NCKAP5L: variants seen among roughly 807,000 people sequenced by gnomAD.
The protein encoded by NCKAP5L is NCK associated protein 5 like, also known as nck-associated protein 5-like.
NCKAP5L carries 54 observed loss-of-function variants against 103.2 expected under a neutral mutation model. That is an observed-to-expected ratio of 0.52 (90% confidence interval 0.42 to 0.66). The LOEUF is 0.66. Ranked by LOEUF, NCKAP5L falls within the 30% of genes least tolerant of loss-of-function variation. The probability of loss-of-function intolerance (pLI) is 0.00; values close to 1 mark genes in which losing one functional copy is unlikely to be tolerated. For missense variants in NCKAP5L, 1,733 were observed against 1,750.6 expected, an observed-to-expected ratio of 0.99 and a Z score of 0.18; for synonymous variants, 762 against 748.6, an observed-to-expected ratio of 1.02 and a Z score of -0.29.
At chr12:49,825,322 G>A (rs1307028572) in intron 1 of NCKAP5L, among the ~76,000 whole-genome samples, 5 of 152,178 alleles carry the variant, frequency 3.3e-5, no homozygotes, top group African/African-American at 7.2e-5. Context: ...TGCCAGGTTC[G>A]GGTGAGGGTT....
At chr12:49,815,372 A>G (rs1946285105) in intron 1 of NCKAP5L, among the ~76,000 whole-genome samples, 1 of 152,170 alleles carries the variant, frequency 6.6e-6, no homozygotes, top group African/African-American at 2.4e-5. Flanking sequence ...CCATTTAATC[A>G]TGTATTTATA....
intron 9 of NCKAP5L, 24 bp downstream of exon 9, chr12:49,793,710 C>T: frequency 1.3e-6 from 2 of 1,527,520 alleles, no homozygotes; most frequent in South Asian, 1.3e-5. Context: ...GGCCGTCCAC[C>T]CAGTCCCTAC....
rs1421078727 is a variant in NCKAP5L at position 49,796,561 on chromosome 12, C to T, written c.1299G>A (p.Lys433=). 2 of 1,599,934 alleles carry T rather than the reference C, an allele frequency of 1.3e-6. No homozygotes were observed. Among genetic ancestry groups the T allele is most frequent in the Non-Finnish European group, 1.7e-6 (2 of 1,173,866 alleles). The change falls in exon 8 of 13, where the codon AAG becomes AAA. Residue 433 remains lysine (K), a synonymous_variant. Transcript: ENST00000335999. The part of the protein sequence containing the change: ...HPHSSSQVKS[K]LQIGPPSPGE... ...CAGGAGAAGGGGGGCCAATTTGGAGCTTGCTTTTCACCTGAGATGAGGAAT... is the reference window on the plus strand; with the variant it reads ...CAGGAGAAGGGGGGCCAATTTGGAGTTTGCTTTTCACCTGAGATGAGGAAT...
At chr12:49,819,703 A>C (rs1318799235) in intron 1 of NCKAP5L, among the ~76,000 whole-genome samples, 1 of 152,250 alleles carries the variant, frequency 6.6e-6, no homozygotes, top group East Asian at 1.9e-4. Context: ...TCAAGGGAAG[A>C]AAAGAAAACA....
chr12:49,794,976 C>T lies in NCKAP5L; in HGVS notation c.2884G>A (p.Glu962Lys). ...REVKMEARKL[E>K]AESLNISKLM... is the part of the protein sequence containing the mutation. ...TTGGAGATGTTGAGGCTCTCGGCCT[C>T]CAGCTTCCGGGCTTCCATCTTGACT... is the stretch of plus-strand genomic sequence containing the variant. Residue 962 changes from glutamate to lysine, a missense_variant, in exon 8 of 13, where the codon GAG (glutamate) becomes AAG (lysine). Transcript: ENST00000335999. 1 of 1,590,162 alleles carries T rather than the reference C, an allele frequency of 6.3e-7. No individual in the cohort carries two copies. The highest frequency in any genetic ancestry group is 1.1e-5 in the South Asian group (1 of 88,284).
Position 49,795,844 on chromosome 12 carries a change from C to A in NCKAP5L, c.2016G>T (p.Lys672Asn), listed in dbSNP as rs1207926617. 11 of 1,566,532 alleles carry A rather than the reference C, an allele frequency of 7.0e-6. No homozygotes were observed. The highest frequency in any genetic ancestry group is 1.4e-5 in the African/African-American group (1 of 73,174). The change falls in exon 8 of 13, where the codon AAG becomes AAT. Residue 672 changes from lysine (K) to asparagine (N), a missense_variant. Transcript: ENST00000335999. ...RDRLAALGKLKTGPEGALGSE... is the reference protein window; with the variant it reads ...RDRLAALGKLNTGPEGALGSE... ...AGCCCAGGGCCCCCTCGGGGCCTGT[C>A]TTCAGCTTCCCCAGGGCCGCCAGTC...
At position 49,796,391 on chromosome 12, in the gene NCKAP5L, T is replaced by C; in HGVS notation, c.1469A>G (p.Asn490Ser). 2 of 1,580,366 alleles carry C rather than the reference T, an allele frequency of 1.3e-6. No individual in the cohort carries two copies. The highest frequency in any genetic ancestry group is 1.7e-6 in the Non-Finnish European group (2 of 1,163,182). The change falls in exon 8 of 13, where the codon AAC becomes AGC. Residue 490 changes from asparagine (N) to serine (S), a missense_variant. Coordinates refer to ENST00000335999, the MANE Select transcript of NCKAP5L (RefSeq NM_001037806.4). Reference protein sequence around the residue: ...LPRNSRIPCRNSGSDGSPSPL... With the variant: ...LPRNSRIPCRSSGSDGSPSPL... ...GGAGGGGCTGCCGTCTGAGCCACTG[T>C]TCCGACAGGGGATTCGCGAGTTCCG... is the stretch of plus-strand genomic sequence containing the variant.
chr12:49,827,131 G>C (rs939729909), intron 1 of NCKAP5L, among the ~76,000 whole-genome samples: 1 of 152,120 alleles, frequency 6.6e-6, no homozygotes, highest in African/African-American at 2.4e-5. Flanking sequence ...CTGCAACAAG[G>C]CAAATGGGCT....
intron 7 of NCKAP5L, 125 bp downstream of exon 7, chr12:49,798,225 T>G: frequency 1.1e-6 from 1 of 875,022 alleles, no homozygotes; most frequent in African/African-American, 1.7e-5. Context: ...GATCTGCTTT[T>G]TTTGGCATTC....
At chr12:49,805,513 C>G (rs1946169907) in intron 2 of NCKAP5L, 1 of 152,178 alleles carries the variant, frequency 6.6e-6, no homozygotes, top group African/African-American at 2.4e-5. Context: ...GGCAACCCTT[C>G]CTATTATAAA....
chr12:49,816,380 C>A (rs1946295988), intron 1 of NCKAP5L, among the ~76,000 whole-genome samples: 1 of 150,752 alleles, frequency 6.6e-6, no homozygotes, highest in African/African-American at 2.4e-5. Flanking sequence ...CCCCAAAAGA[C>A]CCCTAACTAT....
In NCKAP5L at chr12:49,792,458, G is replaced by GGGC. The variant is rs1249549532; in HGVS notation, c.3777_3779dup (p.Pro1260dup). ...CTGCAATTCTCACCATGGGGGTCCTGGGCAGCCCCTCCAGTTGTCGGGGTG... is the reference window on the plus strand; with the variant it reads ...CTGCAATTCTCACCATGGGGGTCCTGGGCGGCAGCCCCTCCAGTTGTCGGGGTG... On this transcript the variant is annotated inframe_insertion, in exon 12 of 13. Transcript: ENST00000335999. The surrounding 1 kb of genome is among the most constrained non-coding windows in gnomAD (Gnocchi z 4.5). 3.1e-6 allele frequency: 5 copies of GGGC among 1,613,526 alleles called. No homozygotes were observed. The East Asian group carries it at 1.1e-4, about 36-fold the overall frequency.
In NCKAP5L at chr12:49,796,727, T is replaced by C. The variant is rs1405814300; in HGVS notation, c.1133A>G (p.Lys378Arg). Reference sequence around the variant, plus strand: ...TGGGGTACCCCCACCCCAAGCTGACTTGGGGAGGCCTTTGGACTTAGACAG... The same window carrying C: ...TGGGGTACCCCCACCCCAAGCTGACCTGGGGAGGCCTTTGGACTTAGACAG... Reference protein sequence around the residue: ...PQLSKSKGLPKSAWGGGTPEA... With the variant: ...PQLSKSKGLPRSAWGGGTPEA... The change falls in exon 8 of 13, where the codon AAG (lysine) becomes AGG (arginine). Residue 378 changes from lysine (K) to arginine (R), a missense_variant. Transcript: ENST00000335999. 1 of 1,609,416 alleles carries C rather than the reference T, an allele frequency of 6.2e-7. No individual in the cohort carries two copies. The highest frequency in any genetic ancestry group is 1.7e-4 in the Middle Eastern group (1 of 6,012).
In NCKAP5L at chr12:49,796,718, C is replaced by G. The variant is rs535538310; in HGVS notation, c.1142G>C (p.Trp381Ser). Residue 381 changes from tryptophan to serine, a missense_variant, in exon 8 of 13, where the codon TGG becomes TCG. Coordinates refer to ENST00000335999, the MANE Select transcript of NCKAP5L (RefSeq NM_001037806.4). ...SKSKGLPKSAWGGGTPEAHRP... is the reference protein window; with the variant it reads ...SKSKGLPKSASGGGTPEAHRP... ...GTGGGCCTCTGGGGTACCCCCACCC[C>G]AAGCTGACTTGGGGAGGCCTTTGGA... is the stretch of plus-strand genomic sequence containing the variant. The G allele has an allele frequency of 1.0e-4, 166 of 1,605,838 alleles. No individual in the cohort carries two copies. The East Asian group carries it at 1.8e-3, about 18-fold the overall frequency.
chr12:49,821,201 G>A (rs1482887078), intron 1 of NCKAP5L, among the ~76,000 whole-genome samples: 1 of 152,166 alleles, frequency 6.6e-6, no homozygotes, highest in Non-Finnish European at 1.5e-5. Flanking sequence ...CTTCTAGCCT[G>A]GGGGACAGGA....
At position 49,792,622 on chromosome 12, in the gene NCKAP5L, G is replaced by T; in HGVS notation, c.3650-34C>A. The T allele has an allele frequency of 6.2e-7, 1 of 1,613,464 alleles. No individual in the cohort carries two copies. The highest frequency in any genetic ancestry group is 8.5e-7 in the Non-Finnish European group (1 of 1,179,562). On this transcript the variant is annotated intron_variant, in intron 11 of 12. Transcript: ENST00000335999. The surrounding 1 kb of genome is among the most constrained non-coding windows in gnomAD (Gnocchi z 4.5). ...GAACAAAGGGAAGGTGGATGGAGCT[G>T]CCTGGGCAGCTCCAGGATGCCCAGG...
At position 49,792,912 on chromosome 12, in the gene NCKAP5L, TCCCA is replaced by T; in HGVS notation, c.3411_3414del (p.Ser1137ArgfsTer46). 6.5e-7 allele frequency: 1 copy of T among 1,544,934 alleles called. No homozygotes were observed. The highest frequency in any genetic ancestry group is 8.7e-7 in the Non-Finnish European group (1 of 1,152,874). ...GTCTTAGGAAGATTCTTGCTGGGGG[TCCCA>T]CTGCTACCATGGTCTGGGGGTGGGA... On this transcript the variant is annotated frameshift_variant, in exon 11 of 13. Coordinates refer to ENST00000335999, the MANE Select transcript of NCKAP5L (RefSeq NM_001037806.4). LOFTEE classifies it high-confidence loss of function. This position sits in a 1 kb window ranked among gnomAD's most constrained non-coding sequence, Gnocchi z 4.5.
In NCKAP5L at chr12:49,796,884, A is replaced by C; in HGVS notation, c.976T>G (p.Leu326Val). The C allele has an allele frequency of 6.2e-7, 1 of 1,611,688 alleles. No individual in the cohort carries two copies. Among genetic ancestry groups the C allele is most frequent in the Admixed American group, 1.7e-5 (1 of 59,618 alleles). The change falls in exon 8 of 13, where the codon TTG (leucine) becomes GTG (valine). Residue 326 changes from leucine (L) to valine (V), a missense_variant. Coordinates refer to ENST00000335999, the MANE Select transcript of NCKAP5L (RefSeq NM_001037806.4). ...TLLGALARRQ[L>V]NLGQLLEDTE... is the part of the protein sequence containing the mutation. Reference sequence around the variant, plus strand: ...TCCTCAAGGAGCTGGCCCAGGTTCAACTGTCTGCGGGCCAGGGCACCGAGC... The same window carrying C: ...TCCTCAAGGAGCTGGCCCAGGTTCACCTGTCTGCGGGCCAGGGCACCGAGC...
Position 49,826,368 on chromosome 12 carries a change from C to T in NCKAP5L, c.-99+1954G>A, listed in dbSNP as rs112553336. On this transcript the variant is annotated intron_variant, in intron 1 of 12. Transcript: ENST00000335999. ...AAGGGCCAGGATGTCTCACCACAGG[C>T]GTGATGGGTGGGCCAAACCCAAGCC... Among the ~76,000 whole-genome samples the T allele has an allele frequency of 7.8e-3, 1,181 of 152,292 alleles. 6 individuals carry two copies. Among genetic ancestry groups the T allele is most frequent in the Non-Finnish European group, 0.01 (709 of 68,016 alleles).
Sources: gnomAD v4.1 joint callset for allele counts (sites outside exome capture counted in the v4.1 genomes callset) on GRCh38, gnomAD v4.1.1 for gene constraint, Gnocchi (gnomAD v3.1) non-coding constraint, MANE v1.5 for transcripts, NCBI Gene and HGNC (gene_info 2026-07-23, HGNC 2026-07-21) for gene names.